Variants in RBFOX1 observed in about 807,000 individuals in gnomAD.
RBFOX1 encodes RNA binding fox-1 homolog 1, also known as RNA binding protein fox-1 homolog 1.
A neutral mutation model predicts 57.7 loss-of-function variants in RBFOX1; 8 were observed. The ratio of observed to expected loss-of-function variants is 0.14; its 90% CI spans 0.08 to 0.25. The LOEUF (loss-of-function observed/expected upper bound fraction) is 0.25. Among genes scored for constraint, RBFOX1 ranks in the 10% least tolerant of loss-of-function variants. The pLI is 1.00. For synonymous variants in RBFOX1, 326 were observed against 222.4 expected (o/e 1.47, Z -4.15); for missense variants, 611 against 548.5 (o/e 1.11, Z -1.14).
At chr16:7,215,759 C>G (rs1028620867) in intron 4 of RBFOX1, among the ~76,000 whole-genome samples, 1 of 138,436 alleles carries the variant, frequency 7.2e-6, no homozygotes, top group Admixed American at 7.6e-5. Context: ...GAGTCTTGCT[C>G]TGTTGTCCAG....
At chr16:6,196,505 T>A (rs2097180803) in intron 1 of RBFOX1, among the ~76,000 whole-genome samples, 1 of 152,168 alleles carries the variant, frequency 6.6e-6, no homozygotes, top group Non-Finnish European at 1.5e-5. Flanking sequence ...ATAATTAGCT[T>A]CCCATTCTGA....
At chr16:5,763,349 C>T (rs931563394) in intron 3 of RBFOX1, among the ~76,000 whole-genome samples, 1 of 152,172 alleles carries the variant, frequency 6.6e-6, no homozygotes, top group African/African-American at 2.4e-5. Flanking sequence ...CCCAAGTTGG[C>T]TGTGCTTGGG....
chr16:5,530,698 A>G (rs2044432190), intron 2 of RBFOX1, among the ~76,000 whole-genome samples: 1 of 152,132 alleles, frequency 6.6e-6, no homozygotes, highest in South Asian at 2.1e-4. Context: ...TTCCCAGGTG[A>G]GACTACCAAA....
chr16:6,424,719 C>G (rs572877933), intron 2 of RBFOX1, among the ~76,000 whole-genome samples: 1 of 152,074 alleles, frequency 6.6e-6, no homozygotes, highest in South Asian at 2.1e-4. Context: ...CATAAGCAAC[C>G]TCAATGTTCA....
chr16:6,700,635 G>T (rs775273581), intron 3 of RBFOX1, among the ~76,000 whole-genome samples: 26 of 151,940 alleles, frequency 1.7e-4, no homozygotes, highest in Non-Finnish European at 2.9e-4. Context: ...TCCAGCCTGG[G>T]CAACAAAAAC....
chr16:7,202,130 A>G (rs1341242036), intron 4 of RBFOX1, among the ~76,000 whole-genome samples: 1 of 150,706 alleles, frequency 6.6e-6, no homozygotes, highest in Non-Finnish European at 1.5e-5. Context: ...CAATATAAAC[A>G]ACTTGATTAA....
intron 4 of RBFOX1, among the ~76,000 whole-genome samples, chr16:7,245,653 A>C (rs929823392): frequency 6.6e-6 from 1 of 152,240 alleles, no homozygotes; most frequent in Non-Finnish European, 1.5e-5. Flanking sequence ...AAACAAGCTT[A>C]CTTAGCCTTA....
intron 3 of RBFOX1, among the ~76,000 whole-genome samples, chr16:5,682,307 G>T (rs550206410): frequency 6.6e-6 from 1 of 152,296 alleles, no homozygotes; most frequent in East Asian, 1.9e-4. Context: ...GTGGGAGTGG[G>T]TCTGAAGAAC....
chr16:6,204,109 G>A (rs551755496), intron 1 of RBFOX1, among the ~76,000 whole-genome samples: 1 of 151,984 alleles, frequency 6.6e-6, no homozygotes, highest in Non-Finnish European at 1.5e-5. Context: ...TACAGGGTGG[G>A]GAGAACACAG....
At chr16:7,192,143 G>A (rs904447496) in intron 4 of RBFOX1, among the ~76,000 whole-genome samples, 65 of 152,342 alleles carry the variant, frequency 4.3e-4, no homozygotes, top group African/African-American at 1.5e-3. Flanking sequence ...GGGGAAGGGG[G>A]TAGGTAGTAG....
In RBFOX1 at chr16:5,485,345, CAAAAAAAAAA is replaced by C. The variant is rs71142624; in HGVS notation, c.258+18105_258+18114del. 6.1e-3 allele frequency among the ~76,000 whole-genome samples: 314 copies of C among 51,684 alleles called. 13 individuals are homozygous for C. The highest frequency in any genetic ancestry group is 0.02 in the African/African-American group (286 of 14,504). 33.9% of individuals were successfully genotyped at this position (51,684 alleles called of 152,430 possible). A position where few individuals can be genotyped will look rare whatever the true frequency, so the allele number is the denominator to read the frequency against. ...TGGGCGACAGAGCCAGACTCCGTGT[CAAAAAAAAAA>C]AAAAAAAAAAAAAGTGAATAAGTTC... is the stretch of plus-strand genomic sequence containing the variant. On this transcript the variant is annotated intron_variant, in intron 2 of 2. Transcript: ENST00000585867.
At chr16:6,557,745 T>A (rs1006774073) in intron 2 of RBFOX1, among the ~76,000 whole-genome samples, 5 of 152,210 alleles carry the variant, frequency 3.3e-5, no homozygotes, top group Non-Finnish European at 7.4e-5. Flanking sequence ...CGGTATAAAT[T>A]GATTTGCTGT....
chr16:7,041,913 A>G (rs888620813), intron 3 of RBFOX1, among the ~76,000 whole-genome samples: 1 of 149,210 alleles, frequency 6.7e-6, no homozygotes, highest in Non-Finnish European at 1.5e-5. Context: ...CAGGTACCAT[A>G]TTATCTCTAT....
chr16:6,862,346 C>T (rs968684421), intron 3 of RBFOX1, among the ~76,000 whole-genome samples: 1 of 152,082 alleles, frequency 6.6e-6, no homozygotes, highest in African/African-American at 2.4e-5. Context: ...CGTGCAGGTT[C>T]CTGGAAGCAC....
intron 1 of RBFOX1, among the ~76,000 whole-genome samples, chr16:6,185,525 C>T (rs1598174344): frequency 6.6e-6 from 1 of 152,336 alleles, no homozygotes; most frequent in South Asian, 2.1e-4. Context: ...CAGCCTGTCT[C>T]TTTCCACTGC....
intron 14 of RBFOX1, among the ~76,000 whole-genome samples, chr16:7,700,000 G>A (rs1568543158): frequency 6.6e-6 from 1 of 152,144 alleles, no homozygotes; most frequent in Non-Finnish European, 1.5e-5. Context: ...CTGGTGCTAG[G>A]TGGGTGTGTT....
chr16:5,953,686 G>T (rs2059565742), intron 4 of RBFOX1, among the ~76,000 whole-genome samples: 1 of 147,216 alleles, frequency 6.8e-6, no homozygotes, highest in African/African-American at 2.5e-5. Context: ...CATTTTTAGG[G>T]CTAAGTAGTC....
At chr16:7,287,945 C>G (rs1212198134) in intron 4 of RBFOX1, among the ~76,000 whole-genome samples, 3 of 152,064 alleles carry the variant, frequency 2.0e-5, no homozygotes, top group Non-Finnish European at 4.4e-5. Context: ...GGATCTAGCC[C>G]AAATGAAATG....
intron 2 of RBFOX1, among the ~76,000 whole-genome samples, chr16:6,529,576 T>A (rs8058636): frequency 2.2e-5 from 2 of 91,390 alleles, no homozygotes; most frequent in African/African-American, 3.7e-5. Flanking sequence ...ATAATTATTA[T>A]TAATAATATA....
Sources: allele counts gnomAD v4.1 joint callset (sites outside exome capture counted in the v4.1 genomes callset), GRCh38; gene constraint gnomAD v4.1.1; transcripts MANE v1.5; gene names NCBI Gene and HGNC (gene_info 2026-07-23, HGNC 2026-07-21).